DIXDC1: variants seen among roughly 807,000 people sequenced by gnomAD.
The protein encoded by DIXDC1 is DIX domain containing 1.
Under a neutral mutation model 103.1 loss-of-function variants are expected in DIXDC1, and 64 were observed. That is an observed-to-expected ratio of 0.62 (90% confidence interval 0.51 to 0.76). The LOEUF is 0.76. DIXDC1 is among the 30% of genes least tolerant of loss of function. The probability of loss-of-function intolerance (pLI) is 0.00; values close to 1 mark genes in which losing one functional copy is unlikely to be tolerated. For missense variants in DIXDC1, 759 were observed against 834.2 expected (o/e 0.91, Z 1.11); for synonymous variants, 266 against 298.5 (o/e 0.89, Z 1.12).
Position 111,984,420 on chromosome 11 carries a change from G to A in DIXDC1, c.919-812G>A, listed in dbSNP as rs1592595923. 3.9e-5 allele frequency among the ~76,000 whole-genome samples: 6 copies of A among 152,136 alleles called. No homozygotes were observed. In the East Asian group the frequency reaches 1.2e-3, roughly 29 times the overall value. ...AAATTAGCCGGGTGTGGTGGCGCAT[G>A]CCTCTAATCCCAGCTACTAGGAGGC... On this transcript the variant is annotated intron_variant, in intron 7 of 19. Coordinates refer to ENST00000440460, the MANE Select transcript of DIXDC1 (RefSeq NM_001037954.4).
In DIXDC1 at chr11:111,958,186, G is replaced by A. The variant is rs890682948; in HGVS notation, c.61-6363G>A. Among the ~76,000 whole-genome samples, 4 of 150,540 alleles carry A rather than the reference G, an allele frequency of 2.7e-5. No individual in the cohort carries two copies. Among genetic ancestry groups the A allele is most frequent in the Non-Finnish European group, 5.9e-5 (4 of 67,610 alleles). ...TCTTGTGGGCCAGAAGCAGGTAGGA[G>A]TCCCGGCCTCCCGGGCACAGCTGCA... On this transcript the variant is annotated intron_variant, in intron 1 of 19. Transcript: ENST00000440460. The surrounding 1 kb of genome is among the most constrained non-coding windows in gnomAD (Gnocchi z 4.2).
In DIXDC1 at chr11:112,021,024, T is replaced by G. The variant is rs1861743516; in HGVS notation, c.*1988T>G. 6.6e-6 allele frequency: 1 copy of G among 152,218 alleles called. No homozygotes were observed. The highest frequency in any genetic ancestry group is 1.5e-5 in the Non-Finnish European group (1 of 68,026). 9.4% of individuals were successfully genotyped at this position (152,218 alleles called of 1,614,324 possible). A position where few individuals can be genotyped will look rare whatever the true frequency, so the allele number is the denominator to read the frequency against. Reference sequence around the variant, plus strand: ...AGCATGAGGGCTATCAGGCCAAAATTCATTATTGTATTTCCAATACAGTTT... The same window carrying G: ...AGCATGAGGGCTATCAGGCCAAAATGCATTATTGTATTTCCAATACAGTTT... On this transcript the variant is annotated 3_prime_UTR_variant, in exon 20 of 20. Transcript: ENST00000440460.
chr11:111,995,175 T>C (rs587763170), intron 15 of DIXDC1, 67 bp downstream of exon 15: 3 of 1,526,894 alleles, frequency 2.0e-6, no homozygotes, highest in East Asian at 4.5e-5. Context: ...GCCAAAGCCA[T>C]GGCCAGTGGA....
rs192186571 is a variant in DIXDC1, at chr11:111,996,676, C to A, written c.1756+530C>A. Among the ~76,000 whole-genome samples, 960 of 151,936 alleles carry A rather than the reference C, an allele frequency of 6.3e-3. 19 individuals are homozygous for A. Among genetic ancestry groups the A allele is most frequent in the African/African-American group, 0.022 (909 of 41,428 alleles). The stretch of plus-strand genomic sequence containing the variant: ...GACCAGCCTGGCCAACATGGTGAAC[C>A]CCATCTCTATTAAAAATACAAAAAT... On this transcript the variant is annotated intron_variant, in intron 17 of 19. Coordinates refer to ENST00000440460, the MANE Select transcript of DIXDC1 (RefSeq NM_001037954.4).
At chr11:111,968,775 C>A in intron 3 of DIXDC1, 137 bp downstream of exon 3, 1 of 1,131,304 alleles carries the variant, frequency 8.8e-7, no homozygotes, top group Non-Finnish European at 1.2e-6. Flanking sequence ...TTTTTTATTT[C>A]ATGATTATTA....
Position 112,017,790 on chromosome 11 carries a change from A to G in DIXDC1, c.1876A>G (p.Thr626Ala). The change falls in exon 19 of 20, where the codon ACG becomes GCG. Residue 626 changes from threonine to alanine, a missense_variant. Physicochemically the swap from Thr to Ala is moderately conservative, Grantham distance 58 (BLOSUM62 0). Coordinates refer to ENST00000440460, the MANE Select transcript of DIXDC1 (RefSeq NM_001037954.4). This position sits in a 1 kb window ranked among gnomAD's most constrained non-coding sequence, Gnocchi z 4.0. ...VNIPKRLEEV[T>A]LKDFKAAIDR... Reference sequence around the variant, plus strand: ...CTTGTGTTGCAGGTTGGAGGAGGTGACGTTAAAGGATTTTAAAGCAGCTAT... The same window carrying G: ...CTTGTGTTGCAGGTTGGAGGAGGTGGCGTTAAAGGATTTTAAAGCAGCTAT... The G allele has an allele frequency of 6.2e-7, 1 of 1,609,778 alleles. No individual in the cohort carries two copies. The highest frequency in any genetic ancestry group is 8.5e-7 in the Non-Finnish European group (1 of 1,177,782).
intron 17 of DIXDC1, among the ~76,000 whole-genome samples, chr11:112,002,834 C>T (rs781967532): frequency 1.3e-5 from 2 of 152,068 alleles, no homozygotes; most frequent in Admixed American, 6.5e-5. Context: ...TGGAATTCAT[C>T]GAAGTGTCCA....
At chr11:111,930,169 A>G (rs1965966179) in intron 2 of DIXDC1, among the ~76,000 whole-genome samples, 2 of 152,156 alleles carry the variant, frequency 1.3e-5, no homozygotes, top group Non-Finnish European at 1.5e-5. Context: ...TGCGTTTTTA[A>G]AAGATTTAAA....
At chr11:111,967,384 A>AT (rs1276679518) in intron 2 of DIXDC1, among the ~76,000 whole-genome samples, 3 of 152,184 alleles carry the variant, frequency 2.0e-5, no homozygotes, top group African/African-American at 7.2e-5. Flanking sequence ...AGGTGTCCTT[A>AT]ATTGTCCTTT....
chr11:111,982,407 T>C lies in DIXDC1; in HGVS notation c.838T>C (p.Trp280Arg). The C allele has an allele frequency of 6.2e-7, 1 of 1,613,934 alleles. No individual in the cohort carries two copies. The highest frequency in any genetic ancestry group is 8.5e-7 in the Non-Finnish European group (1 of 1,179,866). The part of the protein sequence containing the change: ...GSPGTYLETS[W>R]EEQLLEQQEY... ...CCCTGGAACCTATCTGGAGACCTCA[T>C]GGGAAGAACAGCTGTTGGAACAACA... Residue 280 changes from tryptophan (W) to arginine (R), a missense_variant, in exon 7 of 20, where the codon TGG becomes CGG. By Grantham distance (101) the Trp-to-Arg change is moderately radical. Around this residue, in one of 3 missense-constraint regions of DIXDC1, gnomAD observed 657 missense variants for 727.5 expected, o/e 0.90. Coordinates refer to ENST00000440460, the MANE Select transcript of DIXDC1 (RefSeq NM_001037954.4).
chr11:112,007,903 A>G (rs1861287849), intron 17 of DIXDC1, among the ~76,000 whole-genome samples: 1 of 152,192 alleles, frequency 6.6e-6, no homozygotes, highest in African/African-American at 2.4e-5. Context: ...GCATCAATTA[A>G]TGGGCAAAAT....
At chr11:111,947,737 C>G (rs782210764) in intron 1 of DIXDC1, among the ~76,000 whole-genome samples, 1 of 152,310 alleles carries the variant, frequency 6.6e-6, no homozygotes, top group Non-Finnish European at 1.5e-5. Flanking sequence ...AAGCTCTGAT[C>G]GCTGTTAGAT....
At chr11:111,955,833 CAAAAAAAAAAAAAAAAA>C (rs781822030) in intron 1 of DIXDC1, among the ~76,000 whole-genome samples, 3 of 17,660 alleles carry the variant, frequency 1.7e-4, no homozygotes, top group East Asian at 3.8e-3. Context: ...GACTCTAGCT[CAAAAAAAAAAAAAAAAA>C]AAAAAAAAAA....
chr11:111,927,993 G>C (rs782308230), intron 1 of DIXDC1, among the ~76,000 whole-genome samples: 49 of 143,318 alleles, frequency 3.4e-4, no homozygotes, highest in Non-Finnish European at 4.8e-4. Flanking sequence ...TCCAGCCTGG[G>C]GGACACAGCA....
At chr11:111,950,410 GTATATATATATATATATATATATATA>G (rs1555169787) in intron 1 of DIXDC1, among the ~76,000 whole-genome samples, 1 of 25,034 alleles carries the variant, frequency 4.0e-5, no homozygotes, top group Non-Finnish European at 8.0e-5. Context: ...TACAAAGTAG[GTATATATATATATATATATATATATA>G]TATTTTTTTT....
chr11:111,996,370 A>C, intron 17 of DIXDC1: 1 of 382,946 alleles, frequency 2.6e-6, no homozygotes. Flanking sequence ...GATGCTGTTG[A>C]CTCAGAGAGG....
intron 10 of DIXDC1, 138 bp from the exon 11 acceptor site, chr11:111,992,277 G>T: frequency 1.4e-6 from 1 of 718,454 alleles, no homozygotes. Context: ...GCAACTCGTG[G>T]CAAGACCCTT....
intron 10 of DIXDC1, among the ~76,000 whole-genome samples, chr11:111,991,160 C>G (rs1277870200): frequency 6.6e-6 from 1 of 152,148 alleles, no homozygotes; most frequent in South Asian, 2.1e-4. Context: ...AGGTATATTC[C>G]GTAGGCTTAG....
chr11:111,947,129 A>G (rs1472896750), intron 1 of DIXDC1, among the ~76,000 whole-genome samples: 1 of 151,212 alleles, frequency 6.6e-6, no homozygotes, highest in East Asian at 1.9e-4. Flanking sequence ...ATGGCTGGAG[A>G]GTAGGGGTGG....
Sources: allele counts gnomAD v4.1 joint callset (sites outside exome capture counted in the v4.1 genomes callset), GRCh38; gene constraint gnomAD v4.1.1; regional missense constraint gnomAD v4.1.1; non-coding constraint Gnocchi (gnomAD v3.1); transcripts MANE v1.5; gene names NCBI Gene and HGNC (gene_info 2026-07-23, HGNC 2026-07-21).